Variants in GLIS3 observed in about 807,000 individuals in gnomAD.
GLIS3 encodes GLIS family zinc finger 3.
In GLIS3, 53 loss-of-function variants were observed where a neutral mutation model predicts 78.6. That is an observed-to-expected ratio of 0.67 (90% CI 0.54 to 0.85). The LOEUF (loss-of-function observed/expected upper bound fraction) is 0.85. Among genes scored for constraint, GLIS3 ranks in the 40% least tolerant of loss-of-function variants. The pLI, the probability that GLIS3 is intolerant of heterozygous loss-of-function variation, is 0.00. For synonymous variants in GLIS3, 684 were observed against 509.9 expected, an observed-to-expected ratio of 1.34 and a Z score of -4.60; for missense variants, 1,703 against 1,231.1, an observed-to-expected ratio of 1.38 and a Z score of -5.74.
In GLIS3 at chr9:3,931,368, T is replaced by C. The variant is rs60566454; in HGVS notation, c.1983+992A>G. Among the ~76,000 whole-genome samples, 630 of 152,240 alleles carry C rather than the reference T, an allele frequency of 4.1e-3. 4 individuals are homozygous for C. Among genetic ancestry groups the C allele is most frequent in the African/African-American group, 0.014 (590 of 41,542 alleles). ...TAAATCCCCATAAACCATGAAAGAATGCAAGATTTCTAAGTAGAAGCCACG... is the reference window on the plus strand; with the variant it reads ...TAAATCCCCATAAACCATGAAAGAACGCAAGATTTCTAAGTAGAAGCCACG... On this transcript the variant is annotated intron_variant, in intron 6 of 10. Coordinates refer to ENST00000381971, the MANE Select transcript of GLIS3 (RefSeq NM_001042413.2).
At chr9:3,988,172 C>T (rs1193650623) in intron 4 of GLIS3, among the ~76,000 whole-genome samples, 2 of 151,768 alleles carry the variant, frequency 1.3e-5, no homozygotes, top group Non-Finnish European at 2.9e-5. Flanking sequence ...AGTTTATATT[C>T]AGAGAAACTA....
At chr9:4,225,884 AAGG>A (rs1416100653) in intron 2 of GLIS3, among the ~76,000 whole-genome samples, 2 of 152,204 alleles carry the variant, frequency 1.3e-5, no homozygotes, top group African/African-American at 4.8e-5. Context: ...GGAAATGAGG[AAGG>A]AGAAGGTCAA....
intron 4 of GLIS3, among the ~76,000 whole-genome samples, chr9:3,972,340 A>C (rs1818441756): frequency 6.6e-6 from 1 of 152,142 alleles, no homozygotes; most frequent in African/African-American, 2.4e-5. Flanking sequence ...CCCTCATTCT[A>C]TACTCTGATT....
At chr9:4,350,388 T>C (rs74376548), upstream of GLIS3, among the ~76,000 whole-genome samples, 4 of 152,352 alleles carry the variant, frequency 2.6e-5, no homozygotes, top group East Asian at 7.7e-4. Flanking sequence ...TTAAAATTTA[T>C]ATTTTTTCCT....
chr9:3,882,090 G>C (rs940172012), intron 7 of GLIS3, among the ~76,000 whole-genome samples: 4 of 152,216 alleles, frequency 2.6e-5, no homozygotes, highest in African/African-American at 9.6e-5. Flanking sequence ...CCACAAATAT[G>C]TATAGGGTAC....
intron 4 of GLIS3, among the ~76,000 whole-genome samples, chr9:4,111,777 A>G (rs563948845): frequency 2.0e-4 from 31 of 152,350 alleles, no homozygotes; most frequent in African/African-American, 7.0e-4. Flanking sequence ...TTTGCTTTTA[A>G]TATCTGACAG....
chr9:4,448,217 C>T, the GLIS3 span, among the ~76,000 whole-genome samples: 1 of 152,232 alleles, frequency 6.6e-6, no homozygotes, highest in Non-Finnish European at 1.5e-5. Context: ...TCTTTGCTAA[C>T]TCCCCATTCC....
At chr9:4,363,926 G>A in the GLIS3 span, among the ~76,000 whole-genome samples, 54,480 of 152,098 alleles carry the variant, frequency 0.36, 9,958 homozygotes, top group Middle Eastern at 0.46. Flanking sequence ...TTATGAGGAA[G>A]CAGGGTGGGA....
the GLIS3 span, among the ~76,000 whole-genome samples, chr9:4,458,249 A>G: frequency 6.6e-6 from 1 of 152,142 alleles, no homozygotes; most frequent in African/African-American, 2.4e-5. Flanking sequence ...TCACTCAATC[A>G]GCTATCGTTT....
chr9:4,295,254 G>A (rs546297432), intron 1 of GLIS3, among the ~76,000 whole-genome samples: 1 of 152,010 alleles, frequency 6.6e-6, no homozygotes, highest in African/African-American at 2.4e-5. Flanking sequence ...TGCCTTAGTG[G>A]AAGGAACGCC....
At chr9:3,948,313 C>T (rs1816435609) in intron 4 of GLIS3, among the ~76,000 whole-genome samples, 2 of 152,192 alleles carry the variant, frequency 1.3e-5, no homozygotes, top group Non-Finnish European at 2.9e-5. Flanking sequence ...CTGAATGTCT[C>T]TTTTGGCTGA....
At chr9:4,281,779 T>A (rs144638723) in intron 2 of GLIS3, among the ~76,000 whole-genome samples, 70 of 152,338 alleles carry the variant, frequency 4.6e-4, no homozygotes, top group African/African-American at 1.6e-3. Flanking sequence ...AAAGATATGA[T>A]GTCACCAAAA....
chr9:4,487,600 C>T, the GLIS3 span, among the ~76,000 whole-genome samples: 4 of 151,944 alleles, frequency 2.6e-5, no homozygotes, highest in African/African-American at 7.2e-5. Flanking sequence ...TCAGATGCTT[C>T]CACTTTTTTC....
intron 2 of GLIS3, among the ~76,000 whole-genome samples, chr9:4,261,442 G>C (rs954217095): frequency 1.3e-5 from 2 of 152,186 alleles, no homozygotes; most frequent in African/African-American, 2.4e-5. Context: ...AGTATGAATG[G>C]AAACATGGAG....
chr9:4,411,499 G>C, the GLIS3 span, among the ~76,000 whole-genome samples: 1 of 152,172 alleles, frequency 6.6e-6, no homozygotes, highest in Non-Finnish European at 1.5e-5. Flanking sequence ...CAGAAAACTA[G>C]TAATCCCTCA....
rs1588644158 is a variant in GLIS3 at position 4,089,258 on chromosome 9, A to G, written c.1710+28510T>C. On this transcript the variant is annotated intron_variant, in intron 4 of 10. Transcript: ENST00000381971. ...GAACAGTACTAACAAGACACGTATC[A>G]CCTCTGAAAATTGCTGTTTAATGTT... 6.6e-5 allele frequency among the ~76,000 whole-genome samples: 10 copies of G among 152,260 alleles called. No individual in the cohort carries two copies. In the South Asian group the frequency reaches 2.1e-3, roughly 32 times the overall value.
chr9:3,916,292 A>G (rs780184847), intron 6 of GLIS3, among the ~76,000 whole-genome samples: 1 of 152,342 alleles, frequency 6.6e-6, no homozygotes, highest in African/African-American at 2.4e-5. Flanking sequence ...GAATATCTCT[A>G]TTCTACCAAG....
chr9:4,356,536 G>A, the GLIS3 span, among the ~76,000 whole-genome samples: 2 of 152,210 alleles, frequency 1.3e-5, no homozygotes, highest in East Asian at 1.9e-4. Context: ...GAAATTGAAG[G>A]CTTTGCCAAG....
At chr9:3,884,203 C>A (rs148938878) in intron 7 of GLIS3, among the ~76,000 whole-genome samples, 519 of 152,272 alleles carry the variant, frequency 3.4e-3, no homozygotes, top group Admixed American at 6.9e-3. Context: ...ATAAACAGGG[C>A]ACCCTTGGGG....
Sources: allele counts gnomAD v4.1 joint callset (sites outside exome capture counted in the v4.1 genomes callset), GRCh38; gene constraint gnomAD v4.1.1; transcripts MANE v1.5; gene names NCBI Gene and HGNC (gene_info 2026-07-23, HGNC 2026-07-21).